Variants in SLIT3 observed in about 807,000 individuals in gnomAD.
The protein encoded by SLIT3 is slit homolog 3 protein.
SLIT3 carries 68 observed loss-of-function variants against 184.0 expected under a neutral mutation model. The observed-to-expected ratio is 0.37, with a 90% CI of 0.30 to 0.45. The LOEUF (loss-of-function observed/expected upper bound fraction) is 0.45, where lower values mean the gene tolerates loss of function less well. SLIT3 is among the 20% of genes least tolerant of loss of function. The pLI is 1.00. For missense variants in SLIT3, 1,707 were observed against 2,026.0 expected, an observed-to-expected ratio of 0.84 and a Z score of 3.02; for synonymous variants, 831 against 828.6, an observed-to-expected ratio of 1.00 and a Z score of -0.05.
chr5:168,916,187 C>A (rs1290601787), intron 4 of SLIT3, among the ~76,000 whole-genome samples: 2 of 152,166 alleles, frequency 1.3e-5, no homozygotes, highest in African/African-American at 4.8e-5. Context: ...ATATGTGGAG[C>A]CCACATTTGA....
At chr5:168,692,585 G>C (rs1446043903) in intron 29 of SLIT3, 22 bp downstream of exon 29, 2 of 1,575,038 alleles carry the variant, frequency 1.3e-6, no homozygotes, top group Admixed American at 3.3e-5. Context: ...CTCTGTGCTG[G>C]GGGCACGAAG....
intron 4 of SLIT3, among the ~76,000 whole-genome samples, chr5:168,891,671 G>A (rs1384474044): frequency 6.6e-6 from 1 of 152,210 alleles, no homozygotes; most frequent in African/African-American, 2.4e-5. Flanking sequence ...CTTGGTCCCA[G>A]GGGAGCATTC....
chr5:169,073,792 C>T (rs1758638488), intron 4 of SLIT3, among the ~76,000 whole-genome samples: 2 of 152,150 alleles, frequency 1.3e-5, no homozygotes, highest in Admixed American at 1.3e-4. Flanking sequence ...TGTAAACTCC[C>T]TGAGGCCCTC....
At chr5:168,812,116 C>A (rs943038793) in intron 8 of SLIT3, among the ~76,000 whole-genome samples, 1 of 152,162 alleles carries the variant, frequency 6.6e-6, no homozygotes, top group Non-Finnish European at 1.5e-5. Context: ...AGACAAAATA[C>A]CACATGATCT....
At chr5:168,798,517 C>T (rs931572772) in intron 9 of SLIT3, among the ~76,000 whole-genome samples, 11 of 152,148 alleles carry the variant, frequency 7.2e-5, no homozygotes, top group African/African-American at 2.4e-4. Flanking sequence ...GTGTGAGCCA[C>T]CACGCCTGGC....
intron 4 of SLIT3, among the ~76,000 whole-genome samples, chr5:169,163,403 T>C (rs1320494627): frequency 6.6e-6 from 1 of 152,142 alleles, no homozygotes; most frequent in Non-Finnish European, 1.5e-5. Flanking sequence ...CTCCAATGCA[T>C]GAAGCCCAGG....
Position 169,140,308 on chromosome 5 carries a change from CAAAAAAAAAAAA to C in SLIT3, c.413+53159_413+53170del, listed in dbSNP as rs10536624. Among the ~76,000 whole-genome samples, 15 of 42,050 alleles carry C rather than the reference CAAAAAAAAAAAA, an allele frequency of 3.6e-4. No individual in the cohort carries two copies. In the East Asian group the frequency reaches 6.8e-3, roughly 19 times the overall value. The allele number at this position is 42,050 out of a possible 152,430, so 27.6% of individuals were successfully genotyped here. A position where few individuals can be genotyped will look rare whatever the true frequency, so the allele number is the denominator to read the frequency against. Reference sequence around the variant, plus strand: ...TAAAACCCCGCCTCTACTAAAAATGCAAAAAAAAAAAAAAAAAAAAAAAAAAGCCAGGCATGG... The same window carrying C: ...TAAAACCCCGCCTCTACTAAAAATGCAAAAAAAAAAAAAAGCCAGGCATGG... On this transcript the variant is annotated intron_variant, in intron 4 of 35. Transcript: ENST00000519560.
intron 1 of SLIT3, among the ~76,000 whole-genome samples, chr5:169,298,674 A>T (rs1188460182): frequency 6.6e-6 from 1 of 152,046 alleles, no homozygotes; most frequent in African/African-American, 2.4e-5. Flanking sequence ...GCCCAAACTG[A>T]CCCTTGTTCC....
intron 4 of SLIT3, among the ~76,000 whole-genome samples, chr5:169,029,806 A>C (rs1309573261): frequency 1.3e-5 from 2 of 152,194 alleles, no homozygotes; most frequent in Non-Finnish European, 2.9e-5. Flanking sequence ...TGTGGAGAGG[A>C]ATACACAATT....
chr5:168,707,917 G>A, intron 26 of SLIT3, 59 bp downstream of exon 26: 1 of 1,606,852 alleles, frequency 6.2e-7, no homozygotes, highest in Non-Finnish European at 8.5e-7. Flanking sequence ...CCTCTCTAGG[G>A]CCAGGGCTGA....
chr5:169,208,413 T>C (rs946472180), intron 3 of SLIT3, among the ~76,000 whole-genome samples: 1 of 152,162 alleles, frequency 6.6e-6, no homozygotes, highest in African/African-American at 2.4e-5. Context: ...TTGGTTGCAA[T>C]TGTGAATGGG....
At chr5:169,186,119 C>T (rs909583189) in intron 4 of SLIT3, among the ~76,000 whole-genome samples, 1 of 152,210 alleles carries the variant, frequency 6.6e-6, no homozygotes, top group Non-Finnish European at 1.5e-5. Flanking sequence ...CTGACCCTCC[C>T]TCCCCGAAAT....
At chr5:169,276,106 T>C (rs1766794938) in intron 1 of SLIT3, among the ~76,000 whole-genome samples, 2 of 152,074 alleles carry the variant, frequency 1.3e-5, no homozygotes, top group African/African-American at 4.8e-5. Flanking sequence ...AAGAGAGCAA[T>C]TGAACGCTAC....
At chr5:168,682,508 G>A (rs1435738927) in intron 32 of SLIT3, among the ~76,000 whole-genome samples, 1 of 152,212 alleles carries the variant, frequency 6.6e-6, no homozygotes, top group Non-Finnish European at 1.5e-5. Context: ...TTTCTATCAT[G>A]TCTGTAGGTG....
At chr5:168,931,541 A>G (rs79628567) in intron 4 of SLIT3, among the ~76,000 whole-genome samples, 1 of 152,222 alleles carries the variant, frequency 6.6e-6, no homozygotes, top group African/African-American at 2.4e-5. Flanking sequence ...AAAAATCTCA[A>G]GTCACAATTT....
chr5:168,915,592 C>T (rs1206182027), intron 4 of SLIT3, among the ~76,000 whole-genome samples: 1 of 151,858 alleles, frequency 6.6e-6, no homozygotes, highest in Non-Finnish European at 1.5e-5. Context: ...CGAACATATC[C>T]AAAATATAAT....
chr5:169,263,391 C>A (rs1490996346), intron 1 of SLIT3, among the ~76,000 whole-genome samples: 2 of 151,800 alleles, frequency 1.3e-5, no homozygotes, highest in Non-Finnish European at 2.9e-5. Context: ...TGCCGTGTGA[C>A]AACAGAGGCA....
At chr5:169,112,446 G>A (rs550075932) in intron 4 of SLIT3, among the ~76,000 whole-genome samples, 1 of 152,266 alleles carries the variant, frequency 6.6e-6, no homozygotes, top group African/African-American at 2.4e-5. Flanking sequence ...ACAGTGCCAG[G>A]CACAAGGTAG....
chr5:168,943,568 T>C (rs999752827), intron 4 of SLIT3, among the ~76,000 whole-genome samples: 2 of 152,242 alleles, frequency 1.3e-5, no homozygotes, highest in African/African-American at 4.8e-5. Flanking sequence ...AGTTTCATTA[T>C]CTGTAAAATC....
Sources: gnomAD v4.1 joint callset for allele counts (sites outside exome capture counted in the v4.1 genomes callset) on GRCh38, gnomAD v4.1.1 for gene constraint, MANE v1.5 for transcripts, NCBI Gene and HGNC (gene_info 2026-07-23, HGNC 2026-07-21) for gene names.